CEBPZ: variants seen among roughly 807,000 people sequenced by gnomAD.
CEBPZ encodes the protein CCAAT enhancer binding protein zeta, also known as CCAAT/enhancer-binding protein zeta.
In CEBPZ, 78 loss-of-function variants were observed where a neutral mutation model predicts 104.5. The observed-to-expected ratio is 0.75, with a 90% CI of 0.62 to 0.90. The LOEUF (loss-of-function observed/expected upper bound fraction) is 0.90. Ranked by LOEUF, CEBPZ falls within the 40% of genes least tolerant of loss-of-function variation. The pLI is 0.00. For missense variants in CEBPZ, 1,439 were observed against 1,233.5 expected, an observed-to-expected ratio of 1.17 and a Z score of -2.50; for synonymous variants, 470 against 427.0, an observed-to-expected ratio of 1.10 and a Z score of -1.24.
rs1664797353 is a variant in CEBPZ at position 37,222,534 on chromosome 2, A to C, written c.1911T>G (p.Asp637Glu). 1.3e-6 allele frequency: 2 copies of C among 1,589,484 alleles called. No homozygotes were observed. Among genetic ancestry groups the C allele is most frequent in the Non-Finnish European group, 1.7e-6 (2 of 1,173,596 alleles). ...TTTCCATGTCTTCATCATCATTTGCATCAATAAAATTTTCTTCATCATCAG... is the reference window on the plus strand; with the variant it reads ...TTTCCATGTCTTCATCATCATTTGCCTCAATAAAATTTTCTTCATCATCAG... ...PESDDEENFI[D>E]ANDDEDMEKF... The change falls in exon 4 of 16, where the codon GAT (aspartate) becomes GAG (glutamate). Residue 637 changes from aspartate to glutamate, a missense_variant. By Grantham distance (45) the Asp-to-Glu change is conservative. Coordinates refer to ENST00000234170, the MANE Select transcript of CEBPZ (RefSeq NM_005760.3).
intron 15 of CEBPZ, 132 bp from the exon 16 acceptor site, chr2:37,202,035 C>CA: frequency 1.7e-6 from 1 of 601,856 alleles, no homozygotes; most frequent in Non-Finnish European, 2.8e-6. Flanking sequence ...TATACAAACC[C>CA]ACTGCTTGTT....
chr2:37,228,445 C>G lies in CEBPZ; in HGVS notation c.748G>C (p.Ala250Pro). 6.2e-7 allele frequency: 1 copy of G among 1,614,218 alleles called. No individual in the cohort carries two copies. The highest frequency in any genetic ancestry group is 8.5e-7 in the Non-Finnish European group (1 of 1,180,032). Residue 250 changes from alanine to proline, a missense_variant, in exon 2 of 16, where the codon GCC becomes CCC. Transcript: ENST00000234170. ...SSGTLGDRMA[A>P]MILLIQDDAV... ...TCATCCTGAATAAGAAGAATCATGGCTGCCATCCTGTCACCTAGTGTCCCC... is the reference window on the plus strand; with the variant it reads ...TCATCCTGAATAAGAAGAATCATGGGTGCCATCCTGTCACCTAGTGTCCCC...
rs201350166 is a variant in CEBPZ at position 37,202,775 on chromosome 2, G to C, written c.3025+9C>G. Reference sequence around the variant, plus strand: ...TTAAAACATCAATAAAAAAATTTAAGTTACTTACTTGCATTATCTTTGTTA... The same window carrying C: ...TTAAAACATCAATAAAAAAATTTAACTTACTTACTTGCATTATCTTTGTTA... On this transcript the variant is annotated intron_variant, in intron 15 of 15. Coordinates refer to ENST00000234170, the MANE Select transcript of CEBPZ (RefSeq NM_005760.3). 2 of 1,472,234 alleles carry C rather than the reference G, an allele frequency of 1.4e-6. No individual in the cohort carries two copies. Among genetic ancestry groups the C allele is most frequent in the South Asian group, 2.7e-5 (2 of 75,088 alleles). The allele number at this position is 1,472,234 out of a possible 1,614,324, so 91.2% of individuals were successfully genotyped here.
At chr2:37,231,352 C>T (rs940119987) in intron 1 of CEBPZ, 60 bp downstream of exon 1, 2 of 1,603,218 alleles carry the variant, frequency 1.2e-6, no homozygotes, top group African/African-American at 2.7e-5. Context: ...GGGCAGTCAG[C>T]CTAGCCACCT....
intron 4 of CEBPZ, among the ~76,000 whole-genome samples, chr2:37,221,586 T>A (rs561970619): frequency 1.9e-4 from 29 of 152,286 alleles, no homozygotes; most frequent in East Asian, 5.8e-4. Context: ...AAACAAAGAT[T>A]TTTCAGAACA....
chr2:37,207,796 C>G lies in CEBPZ; in HGVS notation c.2884+3203G>C, dbSNP rs192343436. On this transcript the variant is annotated intron_variant, in intron 13 of 15. Transcript: ENST00000234170. ...AAACCCAGCAGAAGAAAAGAAATAA[C>G]AAATATCAGAGCAGAACTAAATAAA... Among the ~76,000 whole-genome samples, 215 of 152,094 alleles carry G rather than the reference C, an allele frequency of 1.4e-3. 1 individual carries two copies. Among genetic ancestry groups the G allele is most frequent in the African/African-American group, 4.9e-3 (203 of 41,512 alleles).
chr2:37,202,763 A>G (rs756289408), intron 15 of CEBPZ, 21 bp downstream of exon 15: 1 of 1,454,572 alleles, frequency 6.9e-7, no homozygotes, highest in Non-Finnish European at 9.2e-7. Context: ...AAACATCAAT[A>G]AAAAAATTTA....
In CEBPZ at chr2:37,228,804, T is replaced by C. The variant is rs547073327; in HGVS notation, c.389A>G (p.Glu130Gly). ...CTTATTAACTGATGTCCTTTGACTT[T>C]CTGCTGTATTTTTATTATTTATTTT... ...IPKINNKNTAESQRTSVNKVK... is the reference protein window; with the variant it reads ...IPKINNKNTAGSQRTSVNKVK... Residue 130 changes from glutamate (E) to glycine (G), a missense_variant, in exon 2 of 16, where the codon GAA becomes GGA. Coordinates refer to ENST00000234170, the MANE Select transcript of CEBPZ (RefSeq NM_005760.3). The C allele has an allele frequency of 1.6e-4, 263 of 1,607,018 alleles. 5 individuals carry two copies. In the South Asian group the frequency reaches 2.8e-3, roughly 17 times the overall value.
chr2:37,228,511 T>G lies in CEBPZ; in HGVS notation c.682A>C (p.Lys228Gln). 6.2e-7 allele frequency: 1 copy of G among 1,614,216 alleles called. No homozygotes were observed. Among genetic ancestry groups the G allele is most frequent in the Non-Finnish European group, 8.5e-7 (1 of 1,180,026 alleles). The change falls in exon 2 of 16, where the codon AAG becomes CAG. Residue 228 changes from lysine (K) to glutamine (Q), a missense_variant. Transcript: ENST00000234170. ...NLFKSKTNSQ[K>Q]GASSTWMKAI... Reference sequence around the variant, plus strand: ...TTCATCCAGGTAGAAGAGGCTCCCTTTTGACTATTCGTCTTACTTTTGAAT... The same window carrying G: ...TTCATCCAGGTAGAAGAGGCTCCCTGTTGACTATTCGTCTTACTTTTGAAT...
chr2:37,216,521 G>C, intron 6 of CEBPZ, 103 bp from the exon 7 acceptor site: 1 of 799,510 alleles, frequency 1.3e-6, no homozygotes, highest in Middle Eastern at 3.7e-4. Flanking sequence ...CTGTATTGAA[G>C]ATACAAATAT....
At chr2:37,201,950 C>T (rs1367346505) in intron 15 of CEBPZ, 47 bp from the exon 16 acceptor site, 1 of 1,560,874 alleles carries the variant, frequency 6.4e-7, no homozygotes, top group Non-Finnish European at 8.7e-7. Flanking sequence ...ACTGTAGACT[C>T]TTGGTGGTCC....
chr2:37,227,084 A>T (rs564576870), intron 2 of CEBPZ, among the ~76,000 whole-genome samples: 16 of 152,334 alleles, frequency 1.1e-4, no homozygotes, highest in African/African-American at 3.6e-4. Context: ...ACCATACTGC[A>T]GGCACTCAGA....
Position 37,228,045 on chromosome 2 carries a change from A to T in CEBPZ, c.1148T>A (p.Leu383His). The part of the protein sequence containing the change: ...LCNKPEEEKA[L>H]LVQVVNKLGD... ...CAGTTTATTTACCACTTGCACAAGA[A>T]GAGCCTTTTCTTCCTCAGGCTTGTT... The change falls in exon 2 of 16, where the codon CTT becomes CAT. Residue 383 changes from leucine (L) to histidine (H), a missense_variant. Coordinates refer to ENST00000234170, the MANE Select transcript of CEBPZ (RefSeq NM_005760.3). 6.2e-7 allele frequency: 1 copy of T among 1,614,224 alleles called. No homozygotes were observed. Among genetic ancestry groups the T allele is most frequent in the Non-Finnish European group, 8.5e-7 (1 of 1,180,036 alleles).
In CEBPZ at chr2:37,223,159, G is replaced by A. The variant is rs1163108790; in HGVS notation, c.1881+11C>T. 1.2e-6 allele frequency: 2 copies of A among 1,602,214 alleles called. No homozygotes were observed. The highest frequency in any genetic ancestry group is 1.7e-5 in the Admixed American group (1 of 59,078). ...CACCCACTCAATTTAAAAAGCAGTTGTAAAATATACCGGATGATCATCTAG... is the reference window on the plus strand; with the variant it reads ...CACCCACTCAATTTAAAAAGCAGTTATAAAATATACCGGATGATCATCTAG... On this transcript the variant is annotated intron_variant, in intron 3 of 15. Transcript: ENST00000234170.
intron 10 of CEBPZ, 97 bp from the exon 11 acceptor site, chr2:37,212,489 G>A: frequency 9.4e-7 from 1 of 1,058,228 alleles, no homozygotes; most frequent in East Asian, 2.4e-5. Context: ...TGATTCTGCT[G>A]TTTATGACAA....
chr2:37,203,334 G>C (rs1677374219), intron 13 of CEBPZ: 1 of 170,856 alleles, frequency 5.9e-6, no homozygotes, highest in South Asian at 1.9e-4. Flanking sequence ...ACATGGATGG[G>C]TTTTGAAATA....
chr2:37,207,706 G>C (rs987079617), intron 13 of CEBPZ, among the ~76,000 whole-genome samples: 1 of 152,154 alleles, frequency 6.6e-6, no homozygotes, highest in Non-Finnish European at 1.5e-5. Flanking sequence ...AAGTCTGAAA[G>C]AGCATAAACA....
In CEBPZ at chr2:37,217,968, T is replaced by C. The variant is rs373715783; in HGVS notation, c.2155-931A>G. Among the ~76,000 whole-genome samples the C allele has an allele frequency of 3.3e-5, 5 of 150,684 alleles. No individual in the cohort carries two copies. In the East Asian group the frequency reaches 7.9e-4, roughly 24 times the overall value. ...ACTACATACTAGTAAGTAGCATATT[T>C]ATGAAAAATAATTATGCAGCCAGGC... On this transcript the variant is annotated intron_variant, in intron 5 of 15. Coordinates refer to ENST00000234170, the MANE Select transcript of CEBPZ (RefSeq NM_005760.3).
rs541898080 is a variant in CEBPZ, at chr2:37,202,055, T to C, written c.3026-152A>G. 256 of 499,874 alleles carry C rather than the reference T, an allele frequency of 5.1e-4. 1 individual carries two copies. The highest frequency in any genetic ancestry group is 4.9e-3 in the Middle Eastern group (15 of 3,040). 31.0% of individuals were successfully genotyped at this position (499,874 alleles called of 1,614,324 possible). ...AAACCCACTGCTTGTTTGTTGCTTT[T>C]CTTCTCATATTTATTGTCAAAGATA... On this transcript the variant is annotated intron_variant, in intron 15 of 15. Coordinates refer to ENST00000234170, the MANE Select transcript of CEBPZ (RefSeq NM_005760.3).
Sources: allele counts gnomAD v4.1 joint callset (sites outside exome capture counted in the v4.1 genomes callset), GRCh38; gene constraint gnomAD v4.1.1; transcripts MANE v1.5; gene names NCBI Gene and HGNC (gene_info 2026-07-23, HGNC 2026-07-21).